The following CEP170 variants were observed in gnomAD, a reference collection of about 807,000 sequenced individuals.
CEP170 encodes the protein centrosomal protein of 170 kDa.
A neutral mutation model predicts 151.9 loss-of-function variants in CEP170; 21 were observed. That is an observed-to-expected ratio of 0.14 (90% CI 0.10 to 0.20). The LOEUF is 0.20. Among genes scored for constraint, CEP170 ranks in the 10% least tolerant of loss-of-function variants. The pLI, the probability that CEP170 is intolerant of heterozygous loss-of-function variation, is 1.00. For synonymous variants in CEP170, 356 were observed against 648.8 expected (o/e 0.55, Z 6.86); for missense variants, 964 against 1,892.9 (o/e 0.51, Z 9.11).
At chr1:243,175,070 T>C (rs2059137768) in intron 10 of CEP170, 1 of 152,364 alleles carries the variant, frequency 6.6e-6, no homozygotes, top group East Asian at 1.9e-4. Flanking sequence ...CTTGAGTGAT[T>C]TTCTGATGAA....
chr1:243,151,578 G>C, intron 14 of CEP170, among the ~76,000 whole-genome samples: 1 of 152,248 alleles, frequency 6.6e-6, no homozygotes, highest in Non-Finnish European at 1.5e-5. Flanking sequence ...AATGCTGACA[G>C]AGGTGAGGAA....
chr1:243,163,624 C>T (rs2058233010), intron 13 of CEP170, among the ~76,000 whole-genome samples: 1 of 152,230 alleles, frequency 6.6e-6, no homozygotes, highest in Admixed American at 6.5e-5. Context: ...AGTTAAATTT[C>T]TACAGCCCAG....
At chr1:243,225,069 G>A in intron 2 of CEP170, 107 bp downstream of exon 2, 1 of 549,684 alleles carries the variant, frequency 1.8e-6, no homozygotes, top group Non-Finnish European at 2.9e-6. Context: ...GCTAAAAGGA[G>A]AGAAAGTTCA....
Position 243,165,767 on chromosome 1 carries a change from T to C in CEP170, c.2193A>G (p.Lys731=), listed in dbSNP as rs563482978. The C allele has an allele frequency of 1.2e-4, 188 of 1,614,066 alleles. 1 individual carries two copies. Among genetic ancestry groups the C allele is most frequent in the Admixed American group, 5.0e-5 (3 of 60,030 alleles). Residue 731 remains lysine, a synonymous_variant, in exon 13 of 20, where the codon AAA becomes AAG. Transcript: ENST00000366542. The part of the protein sequence containing the change: ...HLGSSAPGKE[K]SETDKETSLV... ...AAGAAGTTTCCTTATCAGTTTCACT[T>C]TTCTCTTTTCCAGGAGCAGAGCTGC... is the stretch of plus-strand genomic sequence containing the variant.
At chr1:243,254,391 G>T (rs921124916) in intron 1 of CEP170, 1 of 152,186 alleles carries the variant, frequency 6.6e-6, no homozygotes, top group South Asian at 2.1e-4. Flanking sequence ...GAAGCCGACA[G>T]GAAGCCACTC....
chr1:243,233,056 A>G (rs2063897009), intron 1 of CEP170, among the ~76,000 whole-genome samples: 1 of 152,212 alleles, frequency 6.6e-6, no homozygotes, highest in South Asian at 2.1e-4. Flanking sequence ...CAATCTAGCC[A>G]TTAAAAAATC....
At chr1:243,202,771 G>C (rs1042541885) in intron 4 of CEP170, among the ~76,000 whole-genome samples, 1 of 152,030 alleles carries the variant, frequency 6.6e-6, no homozygotes, top group South Asian at 2.1e-4. Flanking sequence ...TAAACAGCTA[G>C]AGAAAATTCA....
At chr1:243,212,283 C>G (rs2061878232) in intron 3 of CEP170, among the ~76,000 whole-genome samples, 1 of 152,154 alleles carries the variant, frequency 6.6e-6, no homozygotes, top group Non-Finnish European at 1.5e-5. Flanking sequence ...AAATATTTAA[C>G]TGTTAATATA....
intron 17 of CEP170, among the ~76,000 whole-genome samples, chr1:243,131,113 T>C (rs1026641288): frequency 6.6e-6 from 1 of 152,052 alleles, no homozygotes; most frequent in African/African-American, 2.4e-5. Context: ...ACCATAGACA[T>C]TTCACCTTTG....
intron 10 of CEP170, among the ~76,000 whole-genome samples, chr1:243,180,388 G>A (rs1044708220): frequency 5.3e-5 from 8 of 152,164 alleles, no homozygotes; most frequent in African/African-American, 1.9e-4. Flanking sequence ...AGGCAGCAGA[G>A]GTTAAGAAGG....
intron 8 of CEP170, among the ~76,000 whole-genome samples, chr1:243,188,685 C>T (rs2060085904): frequency 6.6e-6 from 1 of 152,214 alleles, no homozygotes; most frequent in African/African-American, 2.4e-5. Flanking sequence ...ATTTTCCAAA[C>T]TGTCGCAAAG....
intron 13 of CEP170, among the ~76,000 whole-genome samples, chr1:243,157,485 CT>C (rs2148475368): frequency 1.3e-5 from 2 of 152,204 alleles, no homozygotes; most frequent in South Asian, 4.1e-4. Context: ...TGAGTGTTGG[CT>C]AGCAAATGTT....
chr1:243,154,826 G>C (rs1417989403), intron 14 of CEP170, among the ~76,000 whole-genome samples: 1 of 152,180 alleles, frequency 6.6e-6, no homozygotes, highest in Non-Finnish European at 1.5e-5. Context: ...ATTTGGCTCA[G>C]AAGAAGGTTT....
At chr1:243,254,530 C>G (rs546279210) in intron 1 of CEP170, 2 of 152,020 alleles carry the variant, frequency 1.3e-5, no homozygotes, top group African/African-American at 4.8e-5. Flanking sequence ...CCTCGCCAAC[C>G]GCCTCACACC....
At chr1:243,231,949 C>A (rs1022084493) in intron 1 of CEP170, among the ~76,000 whole-genome samples, 2 of 150,760 alleles carry the variant, frequency 1.3e-5, no homozygotes, top group Non-Finnish European at 1.5e-5. Flanking sequence ...ACTGTCTTTT[C>A]TTCTTCTTCT....
intron 17 of CEP170, among the ~76,000 whole-genome samples, chr1:243,134,078 G>A (rs2054740061): frequency 6.6e-6 from 1 of 152,142 alleles, no homozygotes; most frequent in Non-Finnish European, 1.5e-5. Context: ...AGTTGATGCA[G>A]GTTATTGGGC....
intron 17 of CEP170, among the ~76,000 whole-genome samples, chr1:243,134,703 A>G (rs2054832756): frequency 6.7e-6 from 1 of 148,248 alleles, no homozygotes. Flanking sequence ...TTTGTGGCTC[A>G]GGCTGGTCTT....
At chr1:243,134,664 AT>A (rs774058654) in intron 17 of CEP170, among the ~76,000 whole-genome samples, 1,374 of 135,684 alleles carry the variant, frequency 0.01, 7 homozygotes, top group Non-Finnish European at 0.011. Flanking sequence ...TGCCCAGCCA[AT>A]TTTTTTTTTT....
intron 1 of CEP170, among the ~76,000 whole-genome samples, chr1:243,253,969 A>C (rs936937592): frequency 1.3e-5 from 2 of 152,194 alleles, no homozygotes; most frequent in Middle Eastern, 3.2e-3. Context: ...TTACTTGCTT[A>C]AAAAATAAAC....
Sources: gnomAD v4.1 joint callset for allele counts (sites outside exome capture counted in the v4.1 genomes callset) on GRCh38, gnomAD v4.1.1 for gene constraint, MANE v1.5 for transcripts, NCBI Gene and HGNC (gene_info 2026-07-23, HGNC 2026-07-21) for gene names.